MBD5: variants seen among roughly 807,000 people sequenced by gnomAD.
The protein encoded by MBD5 is methyl-CpG-binding domain protein 5.
Under a neutral mutation model 117.3 loss-of-function variants are expected in MBD5, and 13 were observed. That is an observed-to-expected ratio of 0.11 (90% CI 0.07 to 0.18). The LOEUF (loss-of-function observed/expected upper bound fraction) is 0.18, where lower values mean the gene tolerates loss of function less well. MBD5 is among the 10% of genes least tolerant of loss of function. The pLI, the probability that MBD5 is intolerant of heterozygous loss-of-function variation, is 1.00. For missense variants in MBD5, 1,879 were observed against 2,093.8 expected (o/e 0.90, Z 2.00); for synonymous variants, 727 against 766.4 (o/e 0.95, Z 0.85).
intron 4 of MBD5, among the ~76,000 whole-genome samples, chr2:148,390,319 A>ACATT (rs1704527764): frequency 6.6e-6 from 1 of 151,846 alleles, no homozygotes; most frequent in African/African-American, 2.4e-5. Flanking sequence ...TTTGATTATT[A>ACATT]CATTATAACC....
intron 1 of MBD5, among the ~76,000 whole-genome samples, chr2:148,045,734 A>G (rs553189708): frequency 6.6e-6 from 1 of 152,316 alleles, no homozygotes; most frequent in East Asian, 1.9e-4. Flanking sequence ...TAAAAGGCAG[A>G]TAGACTGTTA....
In MBD5 at chr2:148,489,720, T is replaced by A. The variant is rs748142226; in HGVS notation, c.4088T>A (p.Ile1363Asn). The change falls in exon 11 of 14, where the codon ATT becomes AAT. Residue 1363 changes from isoleucine (I) to asparagine (N), a missense_variant. Physicochemically the swap from Ile to Asn is moderately radical, Grantham distance 149 (BLOSUM62 -3). Coordinates refer to ENST00000642680, the MANE Select transcript of MBD5 (RefSeq NM_001378120.1). The stretch of plus-strand genomic sequence containing the variant: ...GCCATGAGTGCCTTCACTGCCTCAA[T>A]TGGTGACCCATTAAATCTCTCCAGT... Reference protein sequence around the residue: ...LSAMSAFTASIGDPLNLSSAV... With the variant: ...LSAMSAFTASNGDPLNLSSAV... The A allele has an allele frequency of 6.2e-7, 1 of 1,614,052 alleles. No homozygotes were observed. Among genetic ancestry groups the A allele is most frequent in the Admixed American group, 1.7e-5 (1 of 60,008 alleles).
chr2:148,452,710 T>C (rs977556130), intron 4 of MBD5, among the ~76,000 whole-genome samples: 4 of 152,194 alleles, frequency 2.6e-5, no homozygotes, highest in Admixed American at 6.6e-5. Flanking sequence ...AATGTGTCTA[T>C]AAACCACTTA....
intron 4 of MBD5, among the ~76,000 whole-genome samples, chr2:148,403,307 A>G (rs2105106335): frequency 6.6e-6 from 1 of 151,978 alleles, no homozygotes. Flanking sequence ...AGCCACCCAA[A>G]TAGCTGAGAT....
intron 4 of MBD5, among the ~76,000 whole-genome samples, chr2:148,453,233 G>A (rs902845184): frequency 3.3e-5 from 5 of 152,266 alleles, no homozygotes; most frequent in East Asian, 1.9e-4. Flanking sequence ...TCATTTTGAC[G>A]AGATGATGTC....
At chr2:148,243,894 C>G (rs1346574528) in intron 3 of MBD5, 1 of 151,756 alleles carries the variant, frequency 6.6e-6, no homozygotes, top group African/African-American at 2.4e-5. Flanking sequence ...TACTTCTTAG[C>G]ACTATGATTC....
chr2:148,196,552 A>G (rs908514135), intron 2 of MBD5, among the ~76,000 whole-genome samples: 1 of 152,216 alleles, frequency 6.6e-6, no homozygotes, highest in African/African-American at 2.4e-5. Context: ...AAATAGGTAC[A>G]TCTCCATTTG....
At chr2:148,334,794 G>C (rs1702745317) in intron 3 of MBD5, among the ~76,000 whole-genome samples, 1 of 152,066 alleles carries the variant, frequency 6.6e-6, no homozygotes, top group East Asian at 1.9e-4. Flanking sequence ...TTTAACATTT[G>C]TTGGATTTGA....
intron 3 of MBD5, among the ~76,000 whole-genome samples, chr2:148,262,360 A>T (rs76899820): frequency 0.13 from 19,236 of 152,082 alleles, 1,469 homozygotes; most frequent in Non-Finnish European, 0.18. Flanking sequence ...AAAAAAAAAA[A>T]TTATGTCATA....
intron 4 of MBD5, among the ~76,000 whole-genome samples, chr2:148,391,641 C>T (rs1704574912): frequency 6.6e-6 from 1 of 152,116 alleles, no homozygotes; most frequent in South Asian, 2.1e-4. Flanking sequence ...TGGTCATCTT[C>T]CTGATTTTAG....
At chr2:148,238,395 T>A (rs990471434) in intron 3 of MBD5, among the ~76,000 whole-genome samples, 2 of 152,194 alleles carry the variant, frequency 1.3e-5, no homozygotes, top group Non-Finnish European at 2.9e-5. Flanking sequence ...CAACCACTAT[T>A]ATTTAGAGAA....
At chr2:148,146,886 A>G (rs74321503) in intron 1 of MBD5, among the ~76,000 whole-genome samples, 14 of 152,106 alleles carry the variant, frequency 9.2e-5, no homozygotes, top group African/African-American at 2.9e-4. Flanking sequence ...TGTGACCTCA[A>G]ATATGCTGCC....
At chr2:148,279,386 C>T (rs1701186971) in intron 3 of MBD5, among the ~76,000 whole-genome samples, 1 of 152,180 alleles carries the variant, frequency 6.6e-6, no homozygotes, top group East Asian at 1.9e-4. Flanking sequence ...GCTATGATTG[C>T]ACAACTGCAC....
intron 1 of MBD5, among the ~76,000 whole-genome samples, chr2:148,136,300 A>G (rs918940054): frequency 2.6e-5 from 4 of 152,194 alleles, no homozygotes; most frequent in African/African-American, 7.2e-5. Context: ...CTGTGTATTC[A>G]AATTGAATTT....
At chr2:148,248,387 A>G (rs13385606) in intron 3 of MBD5, among the ~76,000 whole-genome samples, 1,895 of 152,272 alleles carry the variant, frequency 0.012, 37 homozygotes, top group African/African-American at 0.043. Flanking sequence ...ACAAAACAGA[A>G]CAAAAAACAA....
chr2:148,108,828 G>A (rs1268344141), intron 1 of MBD5, among the ~76,000 whole-genome samples: 2 of 152,130 alleles, frequency 1.3e-5, no homozygotes, highest in African/African-American at 4.8e-5. Context: ...AATCCCAACC[G>A]ATTATGAACA....
intron 1 of MBD5, among the ~76,000 whole-genome samples, chr2:148,135,564 C>T (rs1316380888): frequency 6.6e-6 from 1 of 152,108 alleles, no homozygotes; most frequent in African/African-American, 2.4e-5. Flanking sequence ...ATTCTAGGAG[C>T]CCCCTAGGTT....
intron 1 of MBD5, among the ~76,000 whole-genome samples, chr2:148,045,157 G>A (rs932843069): frequency 4.9e-4 from 74 of 152,082 alleles, no homozygotes; most frequent in Admixed American, 3.3e-4. Flanking sequence ...TTTGATAAGC[G>A]TACTAACTGG....
intron 3 of MBD5, among the ~76,000 whole-genome samples, chr2:148,268,347 G>C (rs969781917): frequency 6.6e-6 from 1 of 151,908 alleles, no homozygotes; most frequent in African/African-American, 2.4e-5. Context: ...CTCCCAAAGT[G>C]CTGGGATTAC....
Sources: allele counts gnomAD v4.1 joint callset (sites outside exome capture counted in the v4.1 genomes callset), GRCh38; gene constraint gnomAD v4.1.1; transcripts MANE v1.5; gene names NCBI Gene and HGNC (gene_info 2026-07-23, HGNC 2026-07-21).